DEK: variants seen among roughly 807,000 people sequenced by gnomAD.
The protein encoded by DEK is protein DEK.
In DEK, 28 loss-of-function variants were observed where a neutral mutation model predicts 46.8. The observed-to-expected ratio is 0.60, with a 90% CI of 0.44 to 0.82. The LOEUF (loss-of-function observed/expected upper bound fraction) is 0.82, where lower values mean the gene tolerates loss of function less well. Ranked by LOEUF, DEK falls within the 40% of genes least tolerant of loss-of-function variation. DEK has a pLI of 0.00. For missense variants in DEK, 416 were observed against 430.6 expected (o/e 0.97, Z 0.30); for synonymous variants, 160 against 144.5 (o/e 1.11, Z -0.77).
intron 2 of DEK, among the ~76,000 whole-genome samples, chr6:18,259,249 GC>G (rs1298524248): frequency 4.0e-5 from 6 of 151,544 alleles, no homozygotes; most frequent in African/African-American, 1.5e-4. Flanking sequence ...CAAAAAATTA[GC>G]CAGGTGTGGT....
intron 9 of DEK, among the ~76,000 whole-genome samples, chr6:18,235,773 GCCA>G (rs907658217): frequency 2.6e-5 from 4 of 152,186 alleles, no homozygotes; most frequent in Admixed American, 6.5e-5. Context: ...ACAGGCGTGA[GCCA>G]CCACATCTAG....
At chr6:18,234,081 G>GC (rs1582259977) in intron 9 of DEK, among the ~76,000 whole-genome samples, 1 of 151,000 alleles carries the variant, frequency 6.6e-6, no homozygotes, top group East Asian at 2.0e-4. Context: ...GCAAACTATC[G>GC]CAAGGACAGA....
intron 4 of DEK, 145 bp from the exon 5 acceptor site, chr6:18,256,600 T>C (rs1791608572): frequency 1.8e-6 from 1 of 552,860 alleles, no homozygotes; most frequent in Admixed American, 3.7e-5. Flanking sequence ...CAATTCAATA[T>C]GGGTTCAATA....
At chr6:18,262,053 G>T (rs563441985) in intron 2 of DEK, among the ~76,000 whole-genome samples, 31 of 152,248 alleles carry the variant, frequency 2.0e-4, no homozygotes, top group South Asian at 4.1e-4. Context: ...ATCCGTGGTG[G>T]TGAGTGAGTT....
intron 7 of DEK, among the ~76,000 whole-genome samples, chr6:18,239,353 TTTTTTTTTAA>T (rs1790808581): frequency 6.9e-6 from 1 of 144,482 alleles, no homozygotes; most frequent in African/African-American, 2.5e-5. Context: ...TTTTTTTTTT[TTTTTTTTTAA>T]AAAAAAGAGA....
chr6:18,259,052 G>A (rs1389294538), intron 2 of DEK, among the ~76,000 whole-genome samples: 1 of 151,962 alleles, frequency 6.6e-6, no homozygotes, highest in Admixed American at 6.6e-5. Context: ...AATCTACGGT[G>A]AGGCGCGGTG....
intron 4 of DEK, 100 bp downstream of exon 4, chr6:18,257,853 T>C (rs1339554944): frequency 1.3e-5 from 10 of 785,486 alleles, no homozygotes; most frequent in Non-Finnish European, 1.8e-5. Flanking sequence ...TGCTCAGTCA[T>C]AAAGTGTGGA....
rs552228825 is a variant in DEK, at chr6:18,249,784, C to G, written c.629G>C (p.Ser210Thr). 1.2e-6 allele frequency: 2 copies of G among 1,607,558 alleles called. No homozygotes were observed. Among genetic ancestry groups the G allele is most frequent in the East Asian group, 2.2e-5 (1 of 44,814 alleles). The change falls in exon 7 of 11, where the codon AGT becomes ACT. Residue 210 changes from serine to threonine, a missense_variant. Coordinates refer to ENST00000652689, the MANE Select transcript of DEK (RefSeq NM_003472.4). ...CTTAGCCTTCCTTGCCATTCCAGAA[C>G]TGTTCCGTTCCTTTTTACTGCCTTT... ...CSKGSKKERNSSGMARKAKRT... is the reference protein window; with the variant it reads ...CSKGSKKERNTSGMARKAKRT...
intron 9 of DEK, among the ~76,000 whole-genome samples, chr6:18,234,363 T>A (rs1790558481): frequency 6.6e-6 from 1 of 151,418 alleles, no homozygotes; most frequent in African/African-American, 2.4e-5. Context: ...AAGAAAAAAA[T>A]TGTTTGCCCC....
intron 7 of DEK, among the ~76,000 whole-genome samples, chr6:18,238,240 ATACTTATGACTATATGAGGAAAC>A (rs543008565): frequency 6.0e-4 from 91 of 152,264 alleles, no homozygotes; most frequent in African/African-American, 2.2e-3. Flanking sequence ...TGCTCAATAA[ATACTTATGACTATATGAGGAAAC>A]TAAGGCTCAG....
chr6:18,225,776 T>C (rs777082484), intron 10 of DEK, 46 bp from the exon 11 acceptor site: 3 of 1,606,744 alleles, frequency 1.9e-6, no homozygotes, highest in Non-Finnish European at 2.6e-6. Context: ...CATAAACCTT[T>C]ATCCCATTTT....
chr6:18,257,480 G>C (rs528973223), intron 4 of DEK, among the ~76,000 whole-genome samples: 4 of 152,206 alleles, frequency 2.6e-5, no homozygotes, highest in Non-Finnish European at 5.9e-5. Flanking sequence ...GGGAGGCCAA[G>C]GTGGGAGGAC....
chr6:18,224,254 CATTT>C lies in DEK; in HGVS notation c.*1461_*1464del, dbSNP rs1790011430. ...AAATCGAAGGCCAATTATTAGGTCTCATTTAGTTGCTTATTTTGTTCACTTGTAT... is the reference window on the plus strand; with the variant it reads ...AAATCGAAGGCCAATTATTAGGTCTCAGTTGCTTATTTTGTTCACTTGTAT... On this transcript the variant is annotated 3_prime_UTR_variant, in exon 11 of 11. Coordinates refer to ENST00000652689, the MANE Select transcript of DEK (RefSeq NM_003472.4). 5.5e-6 allele frequency: 1 copy of C among 180,888 alleles called. No homozygotes were observed. Among genetic ancestry groups the C allele is most frequent in the Non-Finnish European group, 1.2e-5 (1 of 84,698 alleles). 11.2% of individuals were successfully genotyped at this position (180,888 alleles called of 1,614,324 possible). A position where few individuals can be genotyped will look rare whatever the true frequency, so the allele number is the denominator to read the frequency against.
chr6:18,226,082 T>A (rs1790112520), intron 10 of DEK, 92 bp downstream of exon 10: 3 of 1,010,164 alleles, frequency 3.0e-6, no homozygotes, highest in Non-Finnish European at 2.7e-6. Flanking sequence ...TGATATTTAG[T>A]GACATGAATA....
At chr6:18,229,885 A>G (rs1182739068) in intron 9 of DEK, among the ~76,000 whole-genome samples, 8 of 152,192 alleles carry the variant, frequency 5.3e-5, no homozygotes, top group Admixed American at 5.2e-4. Flanking sequence ...GAACACCACA[A>G]AAATACTCCT....
At chr6:18,255,877 A>G (rs947999109) in intron 5 of DEK, 26 bp from the exon 6 acceptor site, 10 of 1,588,280 alleles carry the variant, frequency 6.3e-6, no homozygotes, top group African/African-American at 5.5e-5. Flanking sequence ...GAAGAAACCA[A>G]GGTGTTAATA....
chr6:18,263,980 G>A lies in DEK; in HGVS notation c.8C>T (p.Ala3Val), dbSNP rs767695288. The change falls in exon 2 of 11, where the codon GCC becomes GTC. Residue 3 changes from alanine (A) to valine (V), a missense_variant. Coordinates refer to ENST00000652689, the MANE Select transcript of DEK (RefSeq NM_003472.4). MS[A>V]SAPAAEGEGT... is the part of the protein sequence containing the mutation. The stretch of plus-strand genomic sequence containing the variant: ...CTCCCCCTCCGCAGCAGGGGCCGAG[G>A]CGGACATGCTGTGAACCTGCATGCG... 4.3e-6 allele frequency: 7 copies of A among 1,610,184 alleles called. No homozygotes were observed. The South Asian group carries it at 5.5e-5, about 13-fold the overall frequency.
chr6:18,258,018 GA>G lies in DEK; in HGVS notation c.291del (p.Leu98Ter). Reference protein sequence around the residue: ...KLCEIERIHFFLSKKKTDELR... With the variant: ...KLCEIERIHFXLSKKKTDELR... ...AGTTCATCGGTTTTCTTCTTACTTAGAAAAAAATGTATCCTCTCAATTTCAC... is the reference window on the plus strand; with the variant it reads ...AGTTCATCGGTTTTCTTCTTACTTAGAAAAAATGTATCCTCTCAATTTCAC... On this transcript the variant is annotated frameshift_variant, in exon 4 of 11. Coordinates refer to ENST00000652689, the MANE Select transcript of DEK (RefSeq NM_003472.4). LOFTEE classifies it high-confidence loss of function. 3 of 1,608,832 alleles carry G rather than the reference GA, an allele frequency of 1.9e-6. No individual in the cohort carries two copies. The highest frequency in any genetic ancestry group is 1.7e-5 in the Admixed American group (1 of 59,182).
intron 7 of DEK, among the ~76,000 whole-genome samples, chr6:18,248,692 T>A (rs760490500): frequency 1.6e-4 from 25 of 152,136 alleles, no homozygotes; most frequent in Non-Finnish European, 3.4e-4. Context: ...CACCCACACA[T>A]ATCATATAAT....
Sources: gnomAD v4.1 joint callset for allele counts (sites outside exome capture counted in the v4.1 genomes callset) on GRCh38, gnomAD v4.1.1 for gene constraint, MANE v1.5 for transcripts, NCBI Gene and HGNC (gene_info 2026-07-23, HGNC 2026-07-21) for gene names.